TIAM2: variants seen among roughly 807,000 people sequenced by gnomAD.
TIAM2 encodes the protein TIAM Rac1 associated GEF 2.
TIAM2 carries 80 observed loss-of-function variants against 152.9 expected under a neutral mutation model. The ratio of observed to expected loss-of-function variants is 0.52; its 90% confidence interval spans 0.44 to 0.63. TIAM2 has a LOEUF of 0.63. TIAM2 is among the 30% of genes least tolerant of loss of function. TIAM2 has a pLI of 0.00. For synonymous variants in TIAM2, 804 were observed against 838.0 expected (o/e 0.96, Z 0.70); for missense variants, 1,965 against 2,120.1 (o/e 0.93, Z 1.44).
intron 16 of TIAM2, among the ~76,000 whole-genome samples, 165 bp from the exon 17 acceptor site, chr6:155,243,846 C>CAAAAAAAAAAAAAAAAAAAAAAA (rs59365890): frequency 3.6e-5 from 2 of 55,024 alleles, no homozygotes; most frequent in African/African-American, 1.6e-4. Context: ...GACTCCGTCT[C>CAAAAAAAAAAAAAAAAAAAAAAA]AAAAAAAAAA....
chr6:155,250,501 A>G (rs1030467111), intron 21 of TIAM2: 8 of 1,515,970 alleles, frequency 5.3e-6, no homozygotes, highest in African/African-American at 1.4e-5. Context: ...TCAGTCCTTC[A>G]CTCTGGCCAG....
At chr6:155,010,712 A>G (rs1243955006) in intron 1 of TIAM2, among the ~76,000 whole-genome samples, 5 of 151,960 alleles carry the variant, frequency 3.3e-5, no homozygotes, top group Non-Finnish European at 7.4e-5. Context: ...CGGCCTCCCA[A>G]AGTGCTGGGA....
chr6:155,081,082 T>G (rs1015977648), intron 1 of TIAM2, among the ~76,000 whole-genome samples: 3 of 152,178 alleles, frequency 2.0e-5, no homozygotes, highest in African/African-American at 7.2e-5. Flanking sequence ...TAGCTTTTGC[T>G]TTGTCTACAG....
intron 1 of TIAM2, among the ~76,000 whole-genome samples, chr6:155,075,137 A>G (rs538761644): frequency 9.2e-5 from 14 of 152,238 alleles, no homozygotes; most frequent in African/African-American, 2.9e-4. Flanking sequence ...GGAAGGGACT[A>G]AATGTAGGAG....
intron 1 of TIAM2, among the ~76,000 whole-genome samples, chr6:155,003,318 C>CTAAA (rs1476705951): frequency 2.0e-5 from 3 of 151,922 alleles, no homozygotes; most frequent in African/African-American, 7.3e-5. Context: ...GGCAGGTCAC[C>CTAAA]TAAACATTTG....
At chr6:155,014,481 G>A (rs773668017) in intron 1 of TIAM2, among the ~76,000 whole-genome samples, 1 of 152,076 alleles carries the variant, frequency 6.6e-6, no homozygotes, top group African/African-American at 2.4e-5. Flanking sequence ...ATCTTGCTGA[G>A]TTTTAATGCT....
intron 4 of TIAM2, among the ~76,000 whole-genome samples, chr6:155,135,358 A>G (rs1045886306): frequency 6.6e-6 from 1 of 152,230 alleles, no homozygotes; most frequent in Non-Finnish European, 1.5e-5. Context: ...GCCTTTAGTC[A>G]ATGGTCCTTG....
intron 1 of TIAM2, among the ~76,000 whole-genome samples, chr6:155,076,637 G>A (rs1210067224): frequency 6.6e-6 from 1 of 152,138 alleles, no homozygotes; most frequent in Non-Finnish European, 1.5e-5. Context: ...ATATAACGTA[G>A]GTCAAACCCT....
chr6:155,052,169 T>TG (rs1777333219), intron 1 of TIAM2, among the ~76,000 whole-genome samples: 1 of 152,102 alleles, frequency 6.6e-6, no homozygotes, highest in Admixed American at 6.6e-5. Context: ...AGAAGGGCAG[T>TG]GGGAGAAGAA....
chr6:155,117,974 C>T (rs967565806), intron 2 of TIAM2, among the ~76,000 whole-genome samples: 3 of 152,178 alleles, frequency 2.0e-5, no homozygotes, highest in East Asian at 3.8e-4. Flanking sequence ...TCTGCCAATA[C>T]TTTGAACATT....
In TIAM2 at chr6:155,250,836, T is replaced by A; in HGVS notation, c.3952-77T>A. ...TGCTTGCATTTTAGCAATGACTGTGTGTACATCACTATCTAACAAGAGATC... is the reference window on the plus strand; with the variant it reads ...TGCTTGCATTTTAGCAATGACTGTGAGTACATCACTATCTAACAAGAGATC... On this transcript the variant is annotated intron_variant, in intron 21 of 26. Transcript: ENST00000682666. 3 of 1,414,148 alleles carry A rather than the reference T, an allele frequency of 2.1e-6. No individual in the cohort carries two copies. In the South Asian group the frequency reaches 3.5e-5, roughly 16 times the overall value. 87.6% of individuals were successfully genotyped at this position (1,414,148 alleles called of 1,614,324 possible).
chr6:155,211,431 T>G, intron 15 of TIAM2, 124 bp downstream of exon 15: 1 of 659,220 alleles, frequency 1.5e-6, no homozygotes, highest in Non-Finnish European at 2.6e-6. Flanking sequence ...GATACAAACA[T>G]ACATATATAT....
At chr6:155,149,615 G>A (rs927888371) in intron 7 of TIAM2, among the ~76,000 whole-genome samples, 1 of 152,104 alleles carries the variant, frequency 6.6e-6, no homozygotes, top group Non-Finnish European at 1.5e-5. Context: ...TTTTTCATCT[G>A]TGTATATATG....
rs1781051318 is a variant in TIAM2 at position 155,186,714 on chromosome 6, C to T, written c.3064+3214C>T. 6.6e-6 allele frequency among the ~76,000 whole-genome samples: 1 copy of T among 152,088 alleles called. No homozygotes were observed. Among genetic ancestry groups the T allele is most frequent in the Non-Finnish European group, 1.5e-5 (1 of 68,030 alleles). ...CAGCTTCCTGTTTTATTAAAAATTA[C>T]CTTGATTTACTTTTGCAATGAATTA... On this transcript the variant is annotated intron_variant, in intron 14 of 26. Coordinates refer to ENST00000682666, the MANE Select transcript of TIAM2 (RefSeq NM_012454.4). This position sits in a 1 kb window ranked among gnomAD's most constrained non-coding sequence, Gnocchi z 4.5.
chr6:155,143,411 C>T (rs138845881), intron 5 of TIAM2, among the ~76,000 whole-genome samples: 2,228 of 152,204 alleles, frequency 0.015, 163 homozygotes, highest in Admixed American at 0.13. Flanking sequence ...TTTAGAGTAA[C>T]GTTTGAAAAT....
chr6:155,129,914 A>G lies in TIAM2; in HGVS notation c.691A>G (p.Thr231Ala). Residue 231 changes from threonine to alanine, a missense_variant, in exon 4 of 27, where the codon ACG (threonine) becomes GCG (alanine). Transcript: ENST00000682666. This position sits in a 1 kb window ranked among gnomAD's most constrained non-coding sequence, Gnocchi z 4.8. ...DSLPSHRPSP[T>A]DSRLRSSKGS... ...CCTGCCCAGCCATCGCCCCTCTCCCACGGACTCTCGCCTGCGGTCCAGCAA... is the reference window on the plus strand; with the variant it reads ...CCTGCCCAGCCATCGCCCCTCTCCCGCGGACTCTCGCCTGCGGTCCAGCAA... 1.2e-6 allele frequency: 2 copies of G among 1,613,760 alleles called. No homozygotes were observed. Among genetic ancestry groups the G allele is most frequent in the Non-Finnish European group, 1.7e-6 (2 of 1,179,970 alleles).
chr6:155,077,857 G>A (rs955407090), intron 1 of TIAM2, among the ~76,000 whole-genome samples: 36 of 152,130 alleles, frequency 2.4e-4, no homozygotes, highest in African/African-American at 8.4e-4. Flanking sequence ...TGCCTGTAGC[G>A]CCTCACTGGC....
At chr6:155,069,548 A>G (rs1290238512) in intron 1 of TIAM2, among the ~76,000 whole-genome samples, 1 of 152,234 alleles carries the variant, frequency 6.6e-6, no homozygotes, top group Non-Finnish European at 1.5e-5. Context: ...GGTGAAATAT[A>G]ATCATCTGTA....
At chr6:155,224,802 T>C (rs1193665457) in intron 15 of TIAM2, among the ~76,000 whole-genome samples, 1 of 152,236 alleles carries the variant, frequency 6.6e-6, no homozygotes, top group African/African-American at 2.4e-5. Context: ...GGCTCTGAGA[T>C]GTGCAGTTGC....
Sources: gnomAD v4.1 joint callset for allele counts (sites outside exome capture counted in the v4.1 genomes callset) on GRCh38, gnomAD v4.1.1 for gene constraint, Gnocchi (gnomAD v3.1) non-coding constraint, MANE v1.5 for transcripts, NCBI Gene and HGNC (gene_info 2026-07-23, HGNC 2026-07-21) for gene names.